The following GLCE variants were observed in gnomAD, a reference collection of about 807,000 sequenced individuals.
GLCE encodes glucuronic acid epimerase, also known as D-glucuronyl C5-epimerase.
Under a neutral mutation model 47.9 loss-of-function variants are expected in GLCE, and 19 were observed. That is an observed-to-expected ratio of 0.40 (90% confidence interval 0.28 to 0.58). The LOEUF (loss-of-function observed/expected upper bound fraction) is 0.58, where lower values mean the gene tolerates loss of function less well. Ranked by LOEUF, GLCE falls within the 20% of genes least tolerant of loss-of-function variation. The probability of loss-of-function intolerance (pLI) is 0.48; values close to 1 mark genes in which losing one functional copy is unlikely to be tolerated. For missense variants in GLCE, 556 were observed against 743.3 expected, an observed-to-expected ratio of 0.75 and a Z score of 2.93; for synonymous variants, 245 against 263.4, an observed-to-expected ratio of 0.93 and a Z score of 0.68.
At chr15:69,216,820 A>G (rs1306476796) in intron 2 of GLCE, among the ~76,000 whole-genome samples, 1 of 152,128 alleles carries the variant, frequency 6.6e-6, no homozygotes, top group Non-Finnish European at 1.5e-5. Flanking sequence ...TTATGTGAGT[A>G]ATTATGATTG....
intron 2 of GLCE, among the ~76,000 whole-genome samples, chr15:69,215,218 T>C (rs1332297645): frequency 6.6e-6 from 1 of 152,196 alleles, no homozygotes; most frequent in Admixed American, 6.6e-5. Flanking sequence ...GCTGCCACTT[T>C]GTAGTCAGCC....
intron 1 of GLCE, chr15:69,196,546 T>TAC (rs1334051020): frequency 5.4e-6 from 1 of 186,606 alleles, no homozygotes; most frequent in Non-Finnish European, 1.1e-5. Flanking sequence ...CTAACAAAGG[T>TAC]ACAGTGCAGT....
chr15:69,180,155 A>C (rs1485416865), intron 1 of GLCE, among the ~76,000 whole-genome samples: 1 of 152,238 alleles, frequency 6.6e-6, no homozygotes, highest in African/African-American at 2.4e-5. Context: ...CTAACTAACC[A>C]GATGTATAAA....
intron 1 of GLCE, among the ~76,000 whole-genome samples, chr15:69,165,505 C>CTTTT (rs1172987241): frequency 1.2e-5 from 1 of 84,616 alleles, no homozygotes; most frequent in African/African-American, 4.9e-5. Flanking sequence ...GCACTGTCTG[C>CTTTT]TTTTTTTTTT....
chr15:69,247,415 C>T (rs1232110243), intron 2 of GLCE, among the ~76,000 whole-genome samples: 1 of 152,192 alleles, frequency 6.6e-6, no homozygotes, highest in Non-Finnish European at 1.5e-5. Flanking sequence ...TAGGCTTTGG[C>T]TTCAGGGAAT....
chr15:69,166,353 G>A (rs2051501059), intron 1 of GLCE, among the ~76,000 whole-genome samples: 1 of 152,136 alleles, frequency 6.6e-6, no homozygotes, highest in African/African-American at 2.4e-5. Context: ...GAATATGACT[G>A]CTTATTCAGT....
intron 2 of GLCE, among the ~76,000 whole-genome samples, chr15:69,216,386 G>A (rs1333205362): frequency 1.3e-5 from 2 of 152,020 alleles, no homozygotes; most frequent in East Asian, 3.8e-4. Context: ...GTTAATATTA[G>A]GTGAAAGAGA....
At chr15:69,266,594 G>A (rs1261184274) in intron 4 of GLCE, among the ~76,000 whole-genome samples, 1 of 152,196 alleles carries the variant, frequency 6.6e-6, no homozygotes, top group Non-Finnish European at 1.5e-5. Flanking sequence ...AAACTGCTGA[G>A]TGTGACCAGT....
At chr15:69,209,541 G>A (rs898797120) in intron 1 of GLCE, among the ~76,000 whole-genome samples, 27 of 152,118 alleles carry the variant, frequency 1.8e-4, no homozygotes, top group African/African-American at 5.8e-4. Flanking sequence ...TTGCCAGTCT[G>A]GAACTTGAGG....
intron 2 of GLCE, among the ~76,000 whole-genome samples, chr15:69,218,347 C>CA (rs962570188): frequency 6.6e-5 from 10 of 151,242 alleles, no homozygotes; most frequent in Non-Finnish European, 1.0e-4. Flanking sequence ...CCATCTCTGC[C>CA]AAAAAAATAC....
At chr15:69,175,814 TG>T (rs1434991878) in intron 1 of GLCE, among the ~76,000 whole-genome samples, 1 of 152,208 alleles carries the variant, frequency 6.6e-6, no homozygotes, top group Non-Finnish European at 1.5e-5. Flanking sequence ...CTTCTTCATG[TG>T]GGGGCATCTC....
intron 1 of GLCE, among the ~76,000 whole-genome samples, chr15:69,177,627 C>A (rs1182478945): frequency 6.6e-6 from 1 of 152,010 alleles, no homozygotes; most frequent in Non-Finnish European, 1.5e-5. Flanking sequence ...ATTATCTTTA[C>A]TTCATGCCCC....
chr15:69,260,351 C>T (rs1309755453), intron 3 of GLCE, among the ~76,000 whole-genome samples: 1 of 148,834 alleles, frequency 6.7e-6, no homozygotes, highest in Non-Finnish European at 1.5e-5. Context: ...CCCCTGCCTC[C>T]TGGGTTCAAG....
At chr15:69,179,413 A>G (rs1348963420) in intron 1 of GLCE, among the ~76,000 whole-genome samples, 1 of 152,212 alleles carries the variant, frequency 6.6e-6, no homozygotes, top group Non-Finnish European at 1.5e-5. Context: ...CACTATCAAA[A>G]CCATGAAATT....
At position 69,256,387 on chromosome 15, in the gene GLCE, T is replaced by C. The variant is rs1389680368; in HGVS notation, c.581T>C (p.Val194Ala). ...VRDRVKCISG[V>A]EGVPLSTQWG... Reference sequence around the variant, plus strand: ...GACAGAGTCAAGTGCATAAGTGGGGTTGAAGGTTGGTATCTGTCTGCTTCA... The same window carrying C: ...GACAGAGTCAAGTGCATAAGTGGGGCTGAAGGTTGGTATCTGTCTGCTTCA... Residue 194 changes from valine to alanine, a missense_variant, in exon 3 of 5, where the codon GTT becomes GCT. Transcript: ENST00000261858. 1.2e-6 allele frequency: 2 copies of C among 1,604,118 alleles called. No homozygotes were observed. The highest frequency in any genetic ancestry group is 2.7e-5 in the African/African-American group (2 of 74,706).
chr15:69,261,312 A>G lies in GLCE; in HGVS notation c.812A>G (p.Lys271Arg). The change falls in exon 4 of 5, where the codon AAA (lysine) becomes AGA (arginine). Residue 271 changes from lysine to arginine, a missense_variant. This residue lies in a region of GLCE where 74 missense variants were observed against 64.4 expected (regional missense o/e 1.15). Coordinates refer to ENST00000261858, the MANE Select transcript of GLCE (RefSeq NM_015554.3). ...GATAAGTCTAGATTCACCAATGTCA[A>G]ACAGTTTATTGCACCAGGTAAGTTA... ...VADKSRFTNV[K>R]QFIAPETSEG... is the part of the protein sequence containing the mutation. 2.5e-6 allele frequency: 4 copies of G among 1,613,892 alleles called. No homozygotes were observed. The highest frequency in any genetic ancestry group is 3.4e-6 in the Non-Finnish European group (4 of 1,179,914).
Position 69,268,839 on chromosome 15 carries a change from G to A in GLCE, c.1449G>A (p.Gln483=), listed in dbSNP as rs773636016. The change falls in exon 5 of 5, where the codon CAG becomes CAA. Residue 483 remains glutamine (Q), a synonymous_variant. Coordinates refer to ENST00000261858, the MANE Select transcript of GLCE (RefSeq NM_015554.3). ...ATAPYKFLSE[Q]HGVKAVFMNK... The stretch of plus-strand genomic sequence containing the variant: ...CCCCTTATAAGTTTCTATCTGAGCA[G>A]CATGGAGTTAAAGCTGTGTTTATGA... 1.9e-6 allele frequency: 3 copies of A among 1,614,174 alleles called. No homozygotes were observed. Among genetic ancestry groups the A allele is most frequent in the East Asian group, 2.2e-5 (1 of 44,892 alleles).
At chr15:69,236,225 T>C (rs533156806) in intron 2 of GLCE, among the ~76,000 whole-genome samples, 2 of 152,214 alleles carry the variant, frequency 1.3e-5, no homozygotes, top group Non-Finnish European at 2.9e-5. Flanking sequence ...AATAAACTGC[T>C]GTAACCATAC....
At chr15:69,215,473 T>C (rs765088359) in intron 2 of GLCE, among the ~76,000 whole-genome samples, 25 of 152,124 alleles carry the variant, frequency 1.6e-4, no homozygotes, top group Non-Finnish European at 3.5e-4. Context: ...ATTTATCTGT[T>C]GTGGGACATC....
Sources: allele counts gnomAD v4.1 joint callset (sites outside exome capture counted in the v4.1 genomes callset), GRCh38; gene constraint gnomAD v4.1.1; regional missense constraint gnomAD v4.1.1; transcripts MANE v1.5; gene names NCBI Gene and HGNC (gene_info 2026-07-23, HGNC 2026-07-21).